Variants in PCDH7 observed in about 807,000 individuals in gnomAD.
PCDH7 encodes the protein protocadherin 7.
A neutral mutation model predicts 58.9 loss-of-function variants in PCDH7; 17 were observed. The ratio of observed to expected loss-of-function variants is 0.29; its 90% CI spans 0.20 to 0.43. The LOEUF (loss-of-function observed/expected upper bound fraction) is 0.43, where lower values mean the gene tolerates loss of function less well. Ranked by LOEUF, PCDH7 falls within the 20% of genes least tolerant of loss-of-function variation. PCDH7 has a pLI of 1.00. For synonymous variants in PCDH7, 664 were observed against 616.4 expected (o/e 1.08, Z -1.14); for missense variants, 1,274 against 1,441.0 (o/e 0.88, Z 1.88).
At chr4:31,106,219 C>T (rs1275743802) in intron 3 of PCDH7, among the ~76,000 whole-genome samples, 1 of 151,996 alleles carries the variant, frequency 6.6e-6, no homozygotes. Context: ...CTTTCTTGTC[C>T]CACTTTCTTA....
At chr4:30,735,808 G>C (rs1190984521), downstream of PCDH7, among the ~76,000 whole-genome samples, 8 of 152,302 alleles carry the variant, frequency 5.3e-5, no homozygotes, top group South Asian at 1.7e-3. Flanking sequence ...TTGGGCCAGG[G>C]CCTTGGTGAC....
At chr4:30,942,766 T>C (rs958972815) in intron 2 of PCDH7, among the ~76,000 whole-genome samples, 9 of 152,118 alleles carry the variant, frequency 5.9e-5, no homozygotes, top group African/African-American at 2.2e-4. Context: ...TTTATTTACA[T>C]ATTCATTCAT....
At chr4:30,938,008 T>C (rs1444266224) in intron 2 of PCDH7, among the ~76,000 whole-genome samples, 1 of 152,010 alleles carries the variant, frequency 6.6e-6, no homozygotes, top group Non-Finnish European at 1.5e-5. Flanking sequence ...TATTTTACAA[T>C]CAGTGGTAAG....
intron 3 of PCDH7, among the ~76,000 whole-genome samples, chr4:31,055,900 C>T (rs1035774494): frequency 2.0e-5 from 3 of 152,066 alleles, no homozygotes; most frequent in African/African-American, 7.2e-5. Context: ...GCTTTATAAT[C>T]TTCTTTAAGT....
chr4:30,820,173 T>A (rs913496682), intron 1 of PCDH7, among the ~76,000 whole-genome samples: 2 of 152,110 alleles, frequency 1.3e-5, no homozygotes, highest in Non-Finnish European at 2.9e-5. Context: ...ATAATGGAAA[T>A]GCTTTCAAAA....
chr4:31,102,456 C>T (rs1158113539), intron 3 of PCDH7, among the ~76,000 whole-genome samples: 3 of 152,088 alleles, frequency 2.0e-5, no homozygotes, highest in Admixed American at 6.5e-5. Flanking sequence ...GGCACGGTGC[C>T]TCATGCCTGT....
chr4:30,827,198 C>CTA (rs749938749), intron 1 of PCDH7, among the ~76,000 whole-genome samples: 3 of 152,132 alleles, frequency 2.0e-5, no homozygotes, highest in Non-Finnish European at 4.4e-5. Flanking sequence ...TACAAACTTA[C>CTA]TATATAGTGC....
At chr4:30,744,764 T>C (rs959425474) in intron 1 of PCDH7, among the ~76,000 whole-genome samples, 1 of 152,248 alleles carries the variant, frequency 6.6e-6, no homozygotes, top group Non-Finnish European at 1.5e-5. Context: ...TGAGTTGGGA[T>C]GTATTTTTCT....
chr4:31,078,359 T>C (rs1229568952), intron 3 of PCDH7, among the ~76,000 whole-genome samples: 4 of 152,140 alleles, frequency 2.6e-5, no homozygotes, highest in East Asian at 3.9e-4. Context: ...AATAGCTCAT[T>C]GTAACCTCAA....
chr4:31,021,419 A>G (rs1246751966), intron 3 of PCDH7, among the ~76,000 whole-genome samples: 2 of 152,220 alleles, frequency 1.3e-5, no homozygotes, highest in East Asian at 3.8e-4. Flanking sequence ...AATCAAATGA[A>G]AGGACTATAT....
chr4:30,731,931 G>C lies in PCDH7; in HGVS notation c.*1143G>C, dbSNP rs566099665. 2.6e-5 allele frequency: 4 copies of C among 152,144 alleles called. No individual in the cohort carries two copies. The South Asian group carries it at 6.2e-4, about 24-fold the overall frequency. The allele number at this position is 152,144 out of a possible 1,614,324, so 9.4% of individuals were successfully genotyped here. ...AATAATTTTGTAATACATTTACCAC[G>C]CTGTCTGCCCTATTAAAATTTTCCA... On this transcript the variant is annotated 3_prime_UTR_variant, in exon 2 of 2. Transcript: ENST00000361762.
At chr4:31,082,372 T>C (rs989842801) in intron 3 of PCDH7, among the ~76,000 whole-genome samples, 1 of 152,210 alleles carries the variant, frequency 6.6e-6, no homozygotes, top group African/African-American at 2.4e-5. Context: ...CATTGTTTTT[T>C]TCCCCAACAT....
At position 31,009,857 on chromosome 4, in the gene PCDH7, T is replaced by G. The variant is rs1021841373; in HGVS notation, c.*7+59642T>G. Among the ~76,000 whole-genome samples, 3 of 151,948 alleles carry G rather than the reference T, an allele frequency of 2.0e-5. No homozygotes were observed. In the South Asian group the frequency reaches 6.2e-4, roughly 31 times the overall value. On this transcript the variant is annotated intron_variant, in intron 3 of 3. Coordinates refer to the PCDH7 transcript ENST00000509759. ...TATTCATTGACTGCTGAGGTAAAGATGAATTTTCTAGTAAAACTCCAGAAA... is the reference window on the plus strand; with the variant it reads ...TATTCATTGACTGCTGAGGTAAAGAGGAATTTTCTAGTAAAACTCCAGAAA...
intron 3 of PCDH7, among the ~76,000 whole-genome samples, chr4:30,995,071 T>C (rs1751765206): frequency 6.6e-6 from 1 of 152,202 alleles, no homozygotes; most frequent in Non-Finnish European, 1.5e-5. Flanking sequence ...CAAAAGACAT[T>C]CTTAGAATTA....
Position 30,722,371 on chromosome 4 carries a change from T to G in PCDH7, c.949T>G (p.Leu317Val), listed in dbSNP as rs1713783959. 1 of 1,612,440 alleles carries G rather than the reference T, an allele frequency of 6.2e-7. No individual in the cohort carries two copies. Among genetic ancestry groups the G allele is most frequent in the Non-Finnish European group, 8.5e-7 (1 of 1,179,866 alleles). Residue 317 changes from leucine to valine, a missense_variant, in exon 1 of 2, where the codon TTG becomes GTG. Coordinates refer to ENST00000361762, the Ensembl canonical transcript of PCDH7. The surrounding 1 kb of genome is among the most constrained non-coding windows in gnomAD (Gnocchi z 7.6). ...CGAGAAGAGCGTGTACGAGGCCGAC[T>G]TGGCTGAGAACAGCGCCCCGGGGAC...
At chr4:31,061,366 G>T (rs1757679492) in intron 3 of PCDH7, among the ~76,000 whole-genome samples, 1 of 151,528 alleles carries the variant, frequency 6.6e-6, no homozygotes, top group Non-Finnish European at 1.5e-5. Context: ...ATAATGCATA[G>T]GGTGTTTAGA....
intron 3 of PCDH7, among the ~76,000 whole-genome samples, chr4:31,138,890 C>T (rs964551880): frequency 6.6e-6 from 1 of 151,150 alleles, no homozygotes; most frequent in Admixed American, 6.6e-5. Context: ...GCAGGAGAAT[C>T]GCTTGAGCCT....
intron 1 of PCDH7, among the ~76,000 whole-genome samples, chr4:30,807,153 A>T (rs768675955): frequency 2.8e-4 from 43 of 152,192 alleles, no homozygotes; most frequent in Non-Finnish European, 5.7e-4. Flanking sequence ...TCATATATTT[A>T]AGAGCTCTGA....
downstream of PCDH7, chr4:31,145,032 A>T (rs539533500): frequency 6.6e-6 from 1 of 151,684 alleles, no homozygotes; most frequent in African/African-American, 2.4e-5. Context: ...ACTCAATTGC[A>T]TAACACGGAT....
Sources: gnomAD v4.1 joint callset for allele counts (sites outside exome capture counted in the v4.1 genomes callset) on GRCh38, gnomAD v4.1.1 for gene constraint, Gnocchi (gnomAD v3.1) non-coding constraint, MANE v1.5 for transcripts, NCBI Gene and HGNC (gene_info 2026-07-23, HGNC 2026-07-21) for gene names.